MIS18A: variants seen among roughly 807,000 people sequenced by gnomAD.
The protein encoded by MIS18A is protein Mis18-alpha.
MIS18A carries 14 observed loss-of-function variants against 25.0 expected under a neutral mutation model. The observed-to-expected ratio is 0.56, with a 90% CI of 0.37 to 0.88. MIS18A has a LOEUF of 0.88. Among genes scored for constraint, MIS18A ranks in the 40% least tolerant of loss-of-function variants. MIS18A has a pLI of 0.00. For synonymous variants in MIS18A, 134 were observed against 118.6 expected, an observed-to-expected ratio of 1.13 and a Z score of -0.84; for missense variants, 292 against 290.8, an observed-to-expected ratio of 1.00 and a Z score of -0.03.
the MIS18A span, among the ~76,000 whole-genome samples, chr21:32,252,417 A>G: frequency 8.0e-4 from 121 of 150,676 alleles, 1 homozygote; most frequent in Non-Finnish European, 1.4e-3. Context: ...GAAGAAGAAG[A>G]AGGAAGAGGA....
At chr21:32,167,172 G>T in the MIS18A span, among the ~76,000 whole-genome samples, 1 of 152,040 alleles carries the variant, frequency 6.6e-6, no homozygotes, top group African/African-American at 2.4e-5. Flanking sequence ...CTCTTCTGTT[G>T]TCTGCCAGAG....
the MIS18A span, among the ~76,000 whole-genome samples, chr21:32,204,849 C>T: frequency 4.6e-5 from 7 of 152,084 alleles, no homozygotes; most frequent in African/African-American, 1.4e-4. Context: ...ATCACGCCAC[C>T]GCACTCTAGC....
the MIS18A span, among the ~76,000 whole-genome samples, chr21:32,187,801 C>A: frequency 6.6e-6 from 1 of 152,038 alleles, no homozygotes; most frequent in Non-Finnish European, 1.5e-5. Context: ...GAGGTTTTAC[C>A]CTATTTGCAT....
the MIS18A span, among the ~76,000 whole-genome samples, chr21:32,221,556 G>A: frequency 3.9e-5 from 6 of 152,098 alleles, no homozygotes; most frequent in African/African-American, 1.4e-4. Context: ...TCAACACTAT[G>A]AAGAAACTCC....
chr21:32,265,280 G>A (rs2031572232), downstream of MIS18A, among the ~76,000 whole-genome samples: 1 of 152,182 alleles, frequency 6.6e-6, no homozygotes, highest in Non-Finnish European at 1.5e-5. Context: ...GCCCCTTTCT[G>A]GGCTGGCCAA....
At chr21:32,159,155 A>C in the MIS18A span, among the ~76,000 whole-genome samples, 2 of 152,190 alleles carry the variant, frequency 1.3e-5, no homozygotes, top group African/African-American at 2.4e-5. Context: ...ACAATTCTTA[A>C]ATTGGAAATT....
the MIS18A span, among the ~76,000 whole-genome samples, chr21:32,226,440 T>A: frequency 6.6e-6 from 1 of 151,940 alleles, no homozygotes; most frequent in Non-Finnish European, 1.5e-5. Flanking sequence ...AGAGTTAGAG[T>A]GGCTATACTA....
the MIS18A span, among the ~76,000 whole-genome samples, chr21:32,238,950 G>A: frequency 2.7e-5 from 4 of 150,130 alleles, no homozygotes; most frequent in African/African-American, 9.8e-5. Context: ...TTTCTTGGGG[G>A]AAAAAAAAAT....
At chr21:32,154,690 G>A in the MIS18A span, among the ~76,000 whole-genome samples, 1 of 146,894 alleles carries the variant, frequency 6.8e-6, no homozygotes, top group African/African-American at 2.5e-5. Context: ...CTTTTGTGTT[G>A]CACCATATAC....
At chr21:32,248,858 G>A in the MIS18A span, among the ~76,000 whole-genome samples, 1 of 152,222 alleles carries the variant, frequency 6.6e-6, no homozygotes, top group South Asian at 2.1e-4. Flanking sequence ...GTAGCAAAAG[G>A]ACATAAACCA....
chr21:32,266,756 G>C (rs147272569), downstream of MIS18A, among the ~76,000 whole-genome samples: 825 of 152,154 alleles, frequency 5.4e-3, 10 homozygotes, highest in African/African-American at 0.019. Flanking sequence ...CTCACTGCGA[G>C]AGTCCGCGGC....
the MIS18A span, among the ~76,000 whole-genome samples, chr21:32,193,023 G>T: frequency 6.6e-6 from 1 of 152,164 alleles, no homozygotes; most frequent in East Asian, 1.9e-4. Flanking sequence ...TCAACACTTT[G>T]GTTTTTTGAT....
the MIS18A span, among the ~76,000 whole-genome samples, chr21:32,254,728 C>T: frequency 2.0e-5 from 3 of 152,012 alleles, no homozygotes; most frequent in Non-Finnish European, 4.4e-5. Context: ...ACCTAGAATC[C>T]GTCTCCTCTT....
At chr21:32,219,139 C>A in the MIS18A span, among the ~76,000 whole-genome samples, 1 of 151,278 alleles carries the variant, frequency 6.6e-6, no homozygotes, top group Non-Finnish European at 1.5e-5. Flanking sequence ...CCAAAAGAAA[C>A]AGATTGGCAG....
At chr21:32,171,016 TAC>T in the MIS18A span, among the ~76,000 whole-genome samples, 1 of 152,044 alleles carries the variant, frequency 6.6e-6, no homozygotes, top group Non-Finnish European at 1.5e-5. Flanking sequence ...GGAAAAAACC[TAC>T]AGTTATCATT....
At chr21:32,251,064 T>C in the MIS18A span, among the ~76,000 whole-genome samples, 1 of 152,210 alleles carries the variant, frequency 6.6e-6, no homozygotes, top group Non-Finnish European at 1.5e-5. Context: ...TGCCACCATG[T>C]GAAGAAGGAC....
At chr21:32,189,756 T>C in the MIS18A span, among the ~76,000 whole-genome samples, 1 of 152,054 alleles carries the variant, frequency 6.6e-6, no homozygotes, top group African/African-American at 2.4e-5. Context: ...GCAGTCCTCC[T>C]AGATCACCTC....
the MIS18A span, among the ~76,000 whole-genome samples, chr21:32,258,724 C>T: frequency 6.6e-6 from 1 of 152,156 alleles, no homozygotes; most frequent in African/African-American, 2.4e-5. Context: ...GAAGAACTGT[C>T]CCCTAAGTCA....
chr21:32,186,114 G>C, the MIS18A span, among the ~76,000 whole-genome samples: 1 of 152,148 alleles, frequency 6.6e-6, no homozygotes, highest in African/African-American at 2.4e-5. Context: ...ACAATGTGAA[G>C]GTCCAAATTA....
Sources: gnomAD v4.1 joint callset for allele counts (sites outside exome capture counted in the v4.1 genomes callset) on GRCh38, gnomAD v4.1.1 for gene constraint, MANE v1.5 for transcripts, NCBI Gene and HGNC (gene_info 2026-07-23, HGNC 2026-07-21) for gene names.